FGF13: variants seen among roughly 807,000 people sequenced by gnomAD.
The protein encoded by FGF13 is fibroblast growth factor homologous factor 2.
A neutral mutation model predicts 19.5 loss-of-function variants in FGF13; 2 were observed. The observed-to-expected ratio is 0.10, with a 90% CI of 0.04 to 0.32. The LOEUF (loss-of-function observed/expected upper bound fraction) is 0.32. Among genes scored for constraint, FGF13 ranks in the 10% least tolerant of loss-of-function variants. The pLI, the probability that FGF13 is intolerant of heterozygous loss-of-function variation, is 1.00. For synonymous variants in FGF13, 72 were observed against 76.9 expected, an observed-to-expected ratio of 0.94 and a Z score of 0.33; for missense variants, 113 against 192.7, an observed-to-expected ratio of 0.59 and a Z score of 2.45.
chrX:138,732,693 A>C (rs1023031703), intron 1 of FGF13, among the ~76,000 whole-genome samples: 9 of 111,152 alleles, frequency 8.1e-5, no homozygotes, highest in African/African-American at 2.9e-4. Flanking sequence ...TATTTTGAAA[A>C]ACTGATAAAA....
At chrX:138,947,672 A>G (rs2091788697) in intron 1 of FGF13, among the ~76,000 whole-genome samples, 1 of 111,290 alleles carries the variant, frequency 9.0e-6, no homozygotes, top group South Asian at 3.8e-4. Flanking sequence ...AAGACCAAAT[A>G]ACAAACAAAT....
chrX:138,625,459 TA>T lies in FGF13; in HGVS notation c.*7390del, dbSNP rs2089049478. On this transcript the variant is annotated 3_prime_UTR_variant, in exon 5 of 5. Coordinates refer to ENST00000315930, the MANE Select transcript of FGF13 (RefSeq NM_004114.5). ...GGACAGATGAATGAAGAAAGAAAAT[TA>T]TATATATATACATATATATATATAA... is the stretch of plus-strand genomic sequence containing the variant. 1 of 93,086 alleles carries T rather than the reference TA, an allele frequency of 1.1e-5. No individual in the cohort carries two copies. The highest frequency in any genetic ancestry group is 4.1e-5 in the African/African-American group (1 of 24,314). 7.7% of individuals were successfully genotyped at this position (93,086 alleles called of 1,213,427 possible). A position where few individuals can be genotyped will look rare whatever the true frequency, so the allele number is the denominator to read the frequency against.
intron 3 of FGF13, 82 bp downstream of exon 3, chrX:138,702,902 T>G (rs1361839375): frequency 1.6e-6 from 1 of 622,300 alleles, no homozygotes. Flanking sequence ...AAATCTGTAA[T>G]GATAACACAT....
chrX:138,847,819 A>C (rs1408565524), intron 3 of FGF13, among the ~76,000 whole-genome samples: 1 of 111,955 alleles, frequency 8.9e-6, no homozygotes, highest in South Asian at 3.7e-4. Flanking sequence ...AGCCGATTAC[A>C]TTTAGATGAT....
chrX:139,173,779 C>T (rs937876131), intron 1 of FGF13, among the ~76,000 whole-genome samples: 12 of 112,058 alleles, frequency 1.1e-4, no homozygotes, highest in African/African-American at 3.9e-4. Flanking sequence ...ATATGTGCCA[C>T]ATTTTCTTTA....
chrX:138,679,883 T>C (rs191670617), intron 3 of FGF13, among the ~76,000 whole-genome samples: 109 of 112,325 alleles, frequency 9.7e-4, no homozygotes, highest in African/African-American at 3.3e-3. Flanking sequence ...CAGGTGATAC[T>C]GTATGATATG....
At chrX:138,754,255 C>T (rs1417703011) in intron 3 of FGF13, among the ~76,000 whole-genome samples, 2 of 111,545 alleles carry the variant, frequency 1.8e-5, no homozygotes, top group Non-Finnish European at 3.8e-5. Context: ...ATATAAAGTG[C>T]ACTAAAATGG....
At chrX:139,183,349 G>A (rs781704679) in intron 1 of FGF13, among the ~76,000 whole-genome samples, 17 of 111,912 alleles carry the variant, frequency 1.5e-4, no homozygotes, top group African/African-American at 5.5e-4. Context: ...GTTACACAGA[G>A]CACTGTTCAG....
intron 3 of FGF13, among the ~76,000 whole-genome samples, chrX:138,778,813 C>T (rs984075504): frequency 8.9e-6 from 1 of 112,735 alleles, no homozygotes; most frequent in Non-Finnish European, 1.9e-5. Flanking sequence ...GTGGAGCCCA[C>T]CACAGCTCAA....
intron 3 of FGF13, among the ~76,000 whole-genome samples, chrX:138,816,347 G>A (rs1252861194): frequency 2.7e-5 from 3 of 111,974 alleles, no homozygotes; most frequent in African/African-American, 9.7e-5. Context: ...TGTAGGTGAG[G>A]CTGTGAAGAA....
chrX:138,978,118 C>T (rs1180796954), intron 1 of FGF13, among the ~76,000 whole-genome samples: 1 of 110,798 alleles, frequency 9.0e-6, no homozygotes, highest in Admixed American at 9.6e-5. Flanking sequence ...TGTTCTAAAC[C>T]ATTATTTCAG....
chrX:138,979,425 T>C (rs1310057360), intron 1 of FGF13, among the ~76,000 whole-genome samples: 1 of 110,433 alleles, frequency 9.1e-6, no homozygotes, highest in African/African-American at 3.3e-5. Flanking sequence ...ATATTATTAT[T>C]ATACTTTAAG....
Position 138,626,256 on chromosome X carries a change from C to T in FGF13, c.*6594G>A, listed in dbSNP as rs963438496. On this transcript the variant is annotated 3_prime_UTR_variant, in exon 5 of 5. Transcript: ENST00000315930. The stretch of plus-strand genomic sequence containing the variant: ...CACTTGCATACCAGGGGCTCTGCCC[C>T]TCATTGTCCAGCTACACTAGGCTAA... 1 of 111,979 alleles carries T rather than the reference C, an allele frequency of 8.9e-6. No homozygotes were observed. The highest frequency in any genetic ancestry group is 3.3e-5 in the African/African-American group (1 of 30,763). 9.2% of individuals were successfully genotyped at this position (111,979 alleles called of 1,213,427 possible). A position where few individuals can be genotyped will look rare whatever the true frequency, so the allele number is the denominator to read the frequency against.
intron 1 of FGF13, among the ~76,000 whole-genome samples, chrX:139,157,546 T>C (rs772253293): frequency 1.8e-5 from 2 of 112,452 alleles, no homozygotes; most frequent in East Asian, 5.6e-4. Flanking sequence ...GTGATGCCCT[T>C]CACCATGTTG....
chrX:138,779,507 C>A (rs1470145689), intron 3 of FGF13, among the ~76,000 whole-genome samples: 1 of 108,718 alleles, frequency 9.2e-6, no homozygotes, highest in Admixed American at 9.8e-5. Context: ...TCGAGAACTA[C>A]GTGAAGAATG....
chrX:138,745,438 C>G (rs934852668), intron 3 of FGF13, among the ~76,000 whole-genome samples: 5 of 111,730 alleles, frequency 4.5e-5, no homozygotes. Flanking sequence ...TCATAGCACC[C>G]CCTTGTGGAG....
At chrX:139,090,767 C>T (rs960182011) in intron 1 of FGF13, among the ~76,000 whole-genome samples, 2 of 108,742 alleles carry the variant, frequency 1.8e-5, no homozygotes, top group Non-Finnish European at 3.8e-5. Flanking sequence ...ATGGCAAAAC[C>T]CCATCTCTAC....
At chrX:138,851,262 G>C (rs1322961960) in intron 3 of FGF13, among the ~76,000 whole-genome samples, 1 of 111,637 alleles carries the variant, frequency 9.0e-6, no homozygotes, top group Admixed American at 9.5e-5. Flanking sequence ...CCCAGTAATG[G>C]GATAGCTGGG....
chrX:138,671,585 C>G (rs929928970), intron 3 of FGF13, among the ~76,000 whole-genome samples: 1 of 111,183 alleles, frequency 9.0e-6, no homozygotes, highest in Non-Finnish European at 1.9e-5. Context: ...AAAATAAAGA[C>G]CCTGCCCTCA....
Sources: gnomAD v4.1 joint callset for allele counts (sites outside exome capture counted in the v4.1 genomes callset) on GRCh38, gnomAD v4.1.1 for gene constraint, MANE v1.5 for transcripts, NCBI Gene and HGNC (gene_info 2026-07-23, HGNC 2026-07-21) for gene names.